Variants in CCSER1 observed in about 807,000 individuals in gnomAD.
CCSER1 encodes serine-rich coiled-coil domain-containing protein 1.
In CCSER1, 41 loss-of-function variants were observed where a neutral mutation model predicts 82.0. The ratio of observed to expected loss-of-function variants is 0.50; its 90% CI spans 0.39 to 0.65. CCSER1 has a LOEUF of 0.65. Ranked by LOEUF, CCSER1 falls within the 30% of genes least tolerant of loss-of-function variation. The probability of loss-of-function intolerance (pLI) is 0.00; values close to 1 mark genes in which losing one functional copy is unlikely to be tolerated. For missense variants in CCSER1, 1,119 were observed against 1,064.2 expected (o/e 1.05, Z -0.72); for synonymous variants, 414 against 383.9 (o/e 1.08, Z -0.92).
intron 10 of CCSER1, among the ~76,000 whole-genome samples, chr4:91,404,125 G>A (rs1315170194): frequency 6.6e-6 from 1 of 152,110 alleles, no homozygotes; most frequent in African/African-American, 2.4e-5. Flanking sequence ...TTAATCTTGG[G>A]AGGGTGTATG....
chr4:91,309,524 G>T (rs1365700211), intron 10 of CCSER1, among the ~76,000 whole-genome samples: 2 of 151,998 alleles, frequency 1.3e-5, no homozygotes, highest in African/African-American at 4.8e-5. Flanking sequence ...CCTAAAGGTG[G>T]TTATCGATTT....
chr4:91,430,665 CAAA>C lies in CCSER1; in HGVS notation c.2218-167906_2218-167904del, dbSNP rs544197344. Among the ~76,000 whole-genome samples, 472 of 152,252 alleles carry C rather than the reference CAAA, an allele frequency of 3.1e-3. 3 individuals are homozygous for C. The highest frequency in any genetic ancestry group is 3.6e-3 in the Non-Finnish European group (243 of 68,004). On this transcript the variant is annotated intron_variant, in intron 10 of 10. Transcript: ENST00000509176. The stretch of plus-strand genomic sequence containing the variant: ...ATTATGAAATGGACACATGGCAAAA[CAAA>C]GAATATCATTCGGCTAAGTTGAAAA...
At chr4:91,258,388 C>T (rs1402363843) in intron 10 of CCSER1, among the ~76,000 whole-genome samples, 1 of 152,076 alleles carries the variant, frequency 6.6e-6, no homozygotes, top group African/African-American at 2.4e-5. Flanking sequence ...AGAACACCCT[C>T]TTCCTGGGAA....
At chr4:90,298,583 G>T (rs1480994069) in intron 1 of CCSER1, among the ~76,000 whole-genome samples, 1 of 152,012 alleles carries the variant, frequency 6.6e-6, no homozygotes, top group Non-Finnish European at 1.5e-5. Context: ...TAATTGTGAT[G>T]TTAGGGTGTC....
intron 9 of CCSER1, among the ~76,000 whole-genome samples, chr4:91,078,862 G>A (rs868145668): frequency 2.0e-5 from 3 of 152,136 alleles, no homozygotes; most frequent in South Asian, 2.1e-4. Context: ...GAAATGTAGC[G>A]ACAAGAGAAG....
intron 10 of CCSER1, among the ~76,000 whole-genome samples, chr4:91,466,731 T>C (rs1221741144): frequency 6.6e-6 from 1 of 152,046 alleles, no homozygotes; most frequent in African/African-American, 2.4e-5. Context: ...GAGAGCCAAA[T>C]CATAAGTGAA....
intron 10 of CCSER1, among the ~76,000 whole-genome samples, chr4:91,167,583 A>G (rs1358185495): frequency 6.6e-6 from 1 of 152,218 alleles, no homozygotes. Flanking sequence ...AAATCCGTAA[A>G]TTGAATTGTG....
rs190195629 is a variant in CCSER1, at chr4:91,315,080, A to G, written c.2217+229086A>G. On this transcript the variant is annotated intron_variant, in intron 10 of 10. Transcript: ENST00000509176. Reference sequence around the variant, plus strand: ...GGATTCTCTCTACTAGGGGATGAGGAAACTGTAGTATTTATTTACCCACTT... The same window carrying G: ...GGATTCTCTCTACTAGGGGATGAGGGAACTGTAGTATTTATTTACCCACTT... Among the ~76,000 whole-genome samples, 588 of 151,936 alleles carry G rather than the reference A, an allele frequency of 3.9e-3. 5 individuals are homozygous for G. Among genetic ancestry groups the G allele is most frequent in the South Asian group, 0.035 (170 of 4,822 alleles).
chr4:91,422,993 C>A (rs1753763628), intron 10 of CCSER1, among the ~76,000 whole-genome samples: 1 of 152,036 alleles, frequency 6.6e-6, no homozygotes, highest in African/African-American at 2.4e-5. Flanking sequence ...AAATAAAATT[C>A]ACTGAAAATT....
At chr4:91,365,398 T>C (rs1232181212) in intron 10 of CCSER1, among the ~76,000 whole-genome samples, 1 of 152,194 alleles carries the variant, frequency 6.6e-6, no homozygotes, top group Admixed American at 6.5e-5. Context: ...ACTTGAAATA[T>C]TACTTTCAAT....
At chr4:91,222,599 C>T (rs1313294323) in intron 10 of CCSER1, among the ~76,000 whole-genome samples, 2 of 152,100 alleles carry the variant, frequency 1.3e-5, no homozygotes, top group African/African-American at 4.8e-5. Context: ...CTATATTCAA[C>T]TTTAAAGCCA....
At chr4:90,579,150 A>G (rs953522743) in intron 5 of CCSER1, among the ~76,000 whole-genome samples, 1 of 152,074 alleles carries the variant, frequency 6.6e-6, no homozygotes, top group Admixed American at 6.6e-5. Flanking sequence ...ACAGAAGAAT[A>G]TTTTTTTCGC....
intron 10 of CCSER1, among the ~76,000 whole-genome samples, chr4:91,167,068 A>G (rs1327404586): frequency 1.3e-5 from 2 of 152,110 alleles, no homozygotes; most frequent in East Asian, 3.8e-4. Context: ...TATGAAATAC[A>G]TATTGTCCCC....
intron 9 of CCSER1, among the ~76,000 whole-genome samples, chr4:91,020,592 G>A (rs1007247092): frequency 1.3e-5 from 2 of 152,064 alleles, no homozygotes; most frequent in Non-Finnish European, 2.9e-5. Flanking sequence ...AACCCAGAAG[G>A]CGGGGCTTGC....
intron 10 of CCSER1, among the ~76,000 whole-genome samples, chr4:91,501,645 C>CT (rs1317199537): frequency 6.6e-6 from 1 of 151,894 alleles, no homozygotes; most frequent in African/African-American, 2.4e-5. Flanking sequence ...CCCTATTCTC[C>CT]TTTTTTCTGT....
chr4:90,991,468 C>T (rs1034270186), intron 9 of CCSER1, among the ~76,000 whole-genome samples: 2 of 151,938 alleles, frequency 1.3e-5, no homozygotes, highest in African/African-American at 4.8e-5. Flanking sequence ...ACTTCTGGTA[C>T]TTCCACGTAT....
At chr4:90,573,074 G>A (rs1371284624) in intron 5 of CCSER1, among the ~76,000 whole-genome samples, 1 of 152,234 alleles carries the variant, frequency 6.6e-6, no homozygotes, top group Non-Finnish European at 1.5e-5. Context: ...ACAACAGCAG[G>A]TGTGACTCCT....
chr4:90,306,791 A>G (rs186712144), intron 1 of CCSER1, among the ~76,000 whole-genome samples: 5 of 152,354 alleles, frequency 3.3e-5, no homozygotes, highest in East Asian at 1.9e-4. Context: ...GTCTGATTCA[A>G]TTTACAAAGG....
At chr4:91,526,698 C>T (rs544809766) in intron 10 of CCSER1, among the ~76,000 whole-genome samples, 6 of 152,112 alleles carry the variant, frequency 3.9e-5, no homozygotes, top group South Asian at 2.1e-4. Context: ...TCTGCCTCCT[C>T]GGTTCAAGCG....
Sources: allele counts gnomAD v4.1 joint callset (sites outside exome capture counted in the v4.1 genomes callset), GRCh38; gene constraint gnomAD v4.1.1; transcripts MANE v1.5; gene names NCBI Gene and HGNC (gene_info 2026-07-23, HGNC 2026-07-21).